The following AGBL4 variants were observed in gnomAD, a reference collection of about 807,000 sequenced individuals.
AGBL4 encodes the protein AGBL carboxypeptidase 4, also known as cytosolic carboxypeptidase 6.
A neutral mutation model predicts 66.4 loss-of-function variants in AGBL4; 58 were observed. The ratio of observed to expected loss-of-function variants is 0.87; its 90% CI spans 0.71 to 1.09. The LOEUF (loss-of-function observed/expected upper bound fraction) is 1.09, where lower values mean the gene tolerates loss of function less well. AGBL4 is among the 50% of genes least tolerant of loss of function. The probability of loss-of-function intolerance (pLI) is 0.00; values close to 1 mark genes in which losing one functional copy is unlikely to be tolerated. For missense variants in AGBL4, 579 were observed against 631.0 expected (o/e 0.92, Z 0.88); for synonymous variants, 234 against 222.9 (o/e 1.05, Z -0.44).
chr1:48,953,157 G>A (rs946884743), intron 5 of AGBL4, among the ~76,000 whole-genome samples: 3 of 152,102 alleles, frequency 2.0e-5, no homozygotes, highest in East Asian at 1.9e-4. Flanking sequence ...ATTGAATCTC[G>A]GTAGCTCACA....
chr1:49,243,871 C>G (rs1382056482), intron 4 of AGBL4, among the ~76,000 whole-genome samples: 1 of 151,786 alleles, frequency 6.6e-6, no homozygotes, highest in Non-Finnish European at 1.5e-5. Context: ...CTACAACAAA[C>G]TCAATTCTGA....
chr1:49,725,066 G>T (rs1456506831), intron 2 of AGBL4, among the ~76,000 whole-genome samples: 1 of 151,964 alleles, frequency 6.6e-6, no homozygotes, highest in Non-Finnish European at 1.5e-5. Context: ...AAGAAAAAGG[G>T]AATAAAAGCA....
At chr1:49,166,550 T>C (rs1646638912) in intron 4 of AGBL4, among the ~76,000 whole-genome samples, 1 of 152,180 alleles carries the variant, frequency 6.6e-6, no homozygotes, top group South Asian at 2.1e-4. Context: ...TAGAAAACTT[T>C]GCATGGTGTA....
intron 5 of AGBL4, among the ~76,000 whole-genome samples, chr1:48,972,977 C>T (rs1659032060): frequency 6.6e-6 from 1 of 152,144 alleles, no homozygotes; most frequent in Admixed American, 6.6e-5. Context: ...AGCAACTGGC[C>T]CAAATTTGTC....
chr1:49,798,371 C>T (rs973398673), intron 2 of AGBL4, among the ~76,000 whole-genome samples: 1 of 152,170 alleles, frequency 6.6e-6, no homozygotes, highest in African/African-American at 2.4e-5. Context: ...AGTTAACAGT[C>T]ATCCTCATAC....
At chr1:49,589,541 G>A (rs1644714567) in intron 3 of AGBL4, among the ~76,000 whole-genome samples, 1 of 152,104 alleles carries the variant, frequency 6.6e-6, no homozygotes, top group South Asian at 2.1e-4. Flanking sequence ...TGTAGGGAAA[G>A]CATGAAAGTT....
intron 2 of AGBL4, among the ~76,000 whole-genome samples, chr1:49,728,168 T>A (rs1338239451): frequency 6.6e-6 from 1 of 152,192 alleles, no homozygotes; most frequent in Non-Finnish European, 1.5e-5. Flanking sequence ...AAAATATTGC[T>A]TCCCACGTTG....
chr1:49,156,764 C>T (rs1045876467), intron 4 of AGBL4, among the ~76,000 whole-genome samples: 27 of 152,096 alleles, frequency 1.8e-4, no homozygotes, highest in African/African-American at 6.3e-4. Context: ...ATCACTAATG[C>T]CAGATTTTAT....
At chr1:48,857,583 T>A (rs1030154071) in intron 6 of AGBL4, among the ~76,000 whole-genome samples, 2 of 151,802 alleles carry the variant, frequency 1.3e-5, no homozygotes, top group Non-Finnish European at 1.5e-5. Context: ...TAGCCGGGTG[T>A]GGTGGCAGGC....
chr1:49,515,679 A>T lies in AGBL4; in HGVS notation c.282+181634T>A, dbSNP rs1014250228. ...ATAGACTGGATTAAGAAAATGTGGC[A>T]CATATACACCATGGAATACTATGCA... On this transcript the variant is annotated intron_variant, in intron 3 of 13. Transcript: ENST00000371839. 2.0e-5 allele frequency among the ~76,000 whole-genome samples: 3 copies of T among 151,860 alleles called. No individual in the cohort carries two copies. In the East Asian group the frequency reaches 5.8e-4, roughly 29 times the overall value.
At chr1:49,559,417 T>C (rs1643980865) in intron 3 of AGBL4, among the ~76,000 whole-genome samples, 1 of 152,294 alleles carries the variant, frequency 6.6e-6, no homozygotes, top group Middle Eastern at 3.4e-3. Flanking sequence ...TGATGGTTAA[T>C]ATTAAGTGTC....
intron 4 of AGBL4, among the ~76,000 whole-genome samples, chr1:49,162,293 T>G (rs1324373476): frequency 6.6e-6 from 1 of 152,178 alleles, no homozygotes; most frequent in African/African-American, 2.4e-5. Context: ...ACATTTACTC[T>G]GTCCAGAAAT....
intron 4 of AGBL4, among the ~76,000 whole-genome samples, chr1:49,084,330 G>T (rs952179547): frequency 6.6e-6 from 1 of 152,100 alleles, no homozygotes; most frequent in Non-Finnish European, 1.5e-5. Flanking sequence ...CACTCTCATG[G>T]TGCTAATAAA....
At chr1:49,047,916 A>G (rs1644119493) in intron 4 of AGBL4, among the ~76,000 whole-genome samples, 2 of 152,112 alleles carry the variant, frequency 1.3e-5, no homozygotes, top group African/African-American at 2.4e-5. Flanking sequence ...TGAAGAGTCA[A>G]GATTAGAGAA....
intron 4 of AGBL4, among the ~76,000 whole-genome samples, chr1:49,142,083 C>G (rs1168741609): frequency 6.6e-6 from 1 of 151,948 alleles, no homozygotes; most frequent in Non-Finnish European, 1.5e-5. Flanking sequence ...GAGTGAGAAC[C>G]CTATTGTCAA....
intron 6 of AGBL4, among the ~76,000 whole-genome samples, chr1:48,809,217 G>A (rs1468520766): frequency 6.6e-6 from 1 of 152,198 alleles, no homozygotes; most frequent in African/African-American, 2.4e-5. Flanking sequence ...CAGGGAGAGA[G>A]GAGTTGCAGG....
intron 3 of AGBL4, among the ~76,000 whole-genome samples, chr1:49,296,951 T>C (rs1383271786): frequency 6.6e-6 from 1 of 152,186 alleles, no homozygotes; most frequent in Admixed American, 6.5e-5. Context: ...GATCTGAACC[T>C]AAAGTCAAAA....
In AGBL4 at chr1:48,653,396, G is replaced by A. The variant is rs1335700513; in HGVS notation, c.780C>T (p.Tyr260=). The A allele has an allele frequency of 1.3e-6, 2 of 1,590,044 alleles. No individual in the cohort carries two copies. ...QHPIACVLRE[Y]LVFKIAPMLN... ...GCATTGGTGCGATCTTGAAGACCAG[G>A]TATTCCCGGAGGACACAGGCAATAG... Residue 260 remains tyrosine (Y), a synonymous_variant, in exon 8 of 14, where the codon TAC becomes TAT. Coordinates refer to ENST00000371839, the MANE Select transcript of AGBL4 (RefSeq NM_032785.4).
At chr1:49,695,471 A>G (rs1646966120) in intron 3 of AGBL4, among the ~76,000 whole-genome samples, 1 of 152,134 alleles carries the variant, frequency 6.6e-6, no homozygotes, top group Non-Finnish European at 1.5e-5. Context: ...TTTAAGGATT[A>G]TTGATTGTCT....
Sources: gnomAD v4.1 joint callset for allele counts (sites outside exome capture counted in the v4.1 genomes callset) on GRCh38, gnomAD v4.1.1 for gene constraint, MANE v1.5 for transcripts, NCBI Gene and HGNC (gene_info 2026-07-23, HGNC 2026-07-21) for gene names.